SRGAP2B: variants seen among roughly 807,000 people sequenced by gnomAD.
SRGAP2B encodes the protein SLIT-ROBO Rho GTPase-activating protein 2B.
A neutral mutation model predicts 22.2 loss-of-function variants in SRGAP2B; 9 were observed. The observed-to-expected ratio is 0.41, with a 90% CI of 0.24 to 0.71. SRGAP2B has a LOEUF of 0.71. Ranked by LOEUF, SRGAP2B falls within the 30% of genes least tolerant of loss-of-function variation. The pLI, the probability that SRGAP2B is intolerant of heterozygous loss-of-function variation, is 0.35. For synonymous variants in SRGAP2B, 36 were observed against 87.4 expected (o/e 0.41, Z 3.28); for missense variants, 114 against 235.8 (o/e 0.48, Z 3.38).
chr1:145,044,757 C>T lies in SRGAP2B; in HGVS notation c.67+48078G>A, dbSNP rs587674623. On this transcript the variant is annotated intron_variant, in intron 2 of 9. Transcript: ENST00000612199. ...TAAGCAGCTTAGGGTTTAGGCAAGG[C>T]TTCTGCCTACAAGAGAGACTAGGAT... Among the ~76,000 whole-genome samples, 3 of 122,406 alleles carry T rather than the reference C, an allele frequency of 2.5e-5. No individual in the cohort carries two copies. In the East Asian group the frequency reaches 8.7e-4, roughly 35 times the overall value. 80.3% of individuals were successfully genotyped at this position (122,406 alleles called of 152,430 possible).
At chr1:145,039,550 T>A (rs1649019187) in intron 2 of SRGAP2B, among the ~76,000 whole-genome samples, 1 of 127,526 alleles carries the variant, frequency 7.8e-6, no homozygotes, top group Admixed American at 8.1e-5. Flanking sequence ...GTTCCAACCT[T>A]AGCAGAGAGT....
chr1:144,993,675 G>A (rs1670436187), intron 3 of SRGAP2B, among the ~76,000 whole-genome samples: 1 of 148,024 alleles, frequency 6.8e-6, no homozygotes, highest in African/African-American at 2.6e-5. Context: ...TCACGCTATT[G>A]TACTTCAGCC....
intron 2 of SRGAP2B, among the ~76,000 whole-genome samples, chr1:145,001,525 CAG>C (rs587703912): frequency 6.7e-6 from 1 of 149,796 alleles, no homozygotes; most frequent in African/African-American, 2.5e-5. Context: ...GCGCACAGAG[CAG>C]AGAGAGAGAC....
chr1:145,012,722 TA>T (rs1263176196), intron 2 of SRGAP2B, among the ~76,000 whole-genome samples: 4 of 132,406 alleles, frequency 3.0e-5, no homozygotes, highest in African/African-American at 9.6e-5. Flanking sequence ...CCCACTATAA[TA>T]TTTTTTTCAA....
At chr1:144,940,245 T>C (rs1304033771) in intron 4 of SRGAP2B, among the ~76,000 whole-genome samples, 1 of 108,416 alleles carries the variant, frequency 9.2e-6, no homozygotes, top group Non-Finnish European at 1.8e-5. Context: ...AGAACTCCAC[T>C]GAGCCAGCCA....
At chr1:144,915,951 C>T (rs1663850545) in intron 4 of SRGAP2B, among the ~76,000 whole-genome samples, 1 of 148,290 alleles carries the variant, frequency 6.7e-6, no homozygotes, top group Non-Finnish European at 1.5e-5. Flanking sequence ...AGTTATAATA[C>T]TGTTTCCCAT....
At chr1:144,909,191 G>T (rs1177657526) in intron 5 of SRGAP2B, among the ~76,000 whole-genome samples, 3 of 150,360 alleles carry the variant, frequency 2.0e-5, no homozygotes, top group Non-Finnish European at 4.4e-5. Context: ...ACCAAAACCA[G>T]AGTGAGCCAG....
rs1292486744 is a variant in SRGAP2B, at chr1:145,068,221, A to C, written c.67+24614T>G. ...CCGTCTCAAAAAAAAAAAAAAAAAA[A>C]AAAAAACAAATACAGCTCCATGAAA... On this transcript the variant is annotated intron_variant, in intron 2 of 9. Transcript: ENST00000612199. Among the ~76,000 whole-genome samples, 16 of 146,234 alleles carry C rather than the reference A, an allele frequency of 1.1e-4. 3 individuals are homozygous for C. Among genetic ancestry groups the C allele is most frequent in the African/African-American group, 2.4e-4 (9 of 37,930 alleles).
At chr1:144,993,200 G>C (rs1485488866) in intron 3 of SRGAP2B, among the ~76,000 whole-genome samples, 1 of 151,112 alleles carries the variant, frequency 6.6e-6, no homozygotes, top group Admixed American at 6.6e-5. Flanking sequence ...ACCTGTTTGA[G>C]GCTTTCCAGA....
intron 4 of SRGAP2B, among the ~76,000 whole-genome samples, chr1:144,945,503 A>T (rs637543): frequency 2.0e-5 from 3 of 151,876 alleles, no homozygotes; most frequent in African/African-American, 7.3e-5. Context: ...AAGGACTGGG[A>T]TTGCTTGAGC....
At chr1:145,088,409 C>T (rs1215492714) in intron 2 of SRGAP2B, among the ~76,000 whole-genome samples, 45 of 133,194 alleles carry the variant, frequency 3.4e-4, no homozygotes, top group Non-Finnish European at 6.3e-4. Flanking sequence ...TACAAAATTT[C>T]GCTTCCAGCT....
intron 4 of SRGAP2B, among the ~76,000 whole-genome samples, chr1:144,952,477 T>C (rs1175099613): frequency 6.7e-6 from 1 of 149,652 alleles, no homozygotes; most frequent in East Asian, 2.0e-4. Context: ...AGAGGCTCTT[T>C]ACCCAGCCAA....
intron 4 of SRGAP2B, among the ~76,000 whole-genome samples, chr1:144,923,155 A>C (rs1244353103): frequency 1.8e-4 from 27 of 150,548 alleles, no homozygotes; most frequent in African/African-American, 6.7e-4. Flanking sequence ...AATAATCTGA[A>C]TGTTCTTCCA....
chr1:144,979,051 G>GT (rs782609425), intron 3 of SRGAP2B, among the ~76,000 whole-genome samples: 50 of 150,784 alleles, frequency 3.3e-4, no homozygotes, highest in African/African-American at 5.9e-4. Flanking sequence ...TTTTGTTGTT[G>GT]TTTTTTTTTG....
chr1:144,911,620 T>TTA (rs1491568813), intron 5 of SRGAP2B, among the ~76,000 whole-genome samples: 2 of 134,334 alleles, frequency 1.5e-5, no homozygotes, highest in African/African-American at 3.2e-5. Flanking sequence ...TGAACTGCTA[T>TTA]TTTTTTTTTT....
chr1:145,021,730 C>T (rs1206795641), intron 2 of SRGAP2B, among the ~76,000 whole-genome samples: 3 of 149,190 alleles, frequency 2.0e-5, no homozygotes, highest in Non-Finnish European at 4.4e-5. Flanking sequence ...AGGAGAATCT[C>T]TTGAACCCAG....
At chr1:145,013,005 C>A (rs1446912078) in intron 2 of SRGAP2B, among the ~76,000 whole-genome samples, 2 of 150,650 alleles carry the variant, frequency 1.3e-5, no homozygotes, top group Non-Finnish European at 2.9e-5. Context: ...ACTGCTTGAG[C>A]CCACAAGGCA....
chr1:144,993,110 C>T (rs1236710656), intron 3 of SRGAP2B, among the ~76,000 whole-genome samples: 1 of 151,048 alleles, frequency 6.6e-6, no homozygotes, highest in Non-Finnish European at 1.5e-5. Context: ...CCTCAAGTAA[C>T]AGGATGCCAG....
chr1:144,994,608 G>C (rs1366929848), intron 3 of SRGAP2B, among the ~76,000 whole-genome samples: 7 of 135,000 alleles, frequency 5.2e-5, no homozygotes. Flanking sequence ...GAGAGAGAGA[G>C]AGACAGAGAT....
Sources: allele counts gnomAD v4.1 joint callset (sites outside exome capture counted in the v4.1 genomes callset), GRCh38; gene constraint gnomAD v4.1.1; transcripts MANE v1.5; gene names NCBI Gene and HGNC (gene_info 2026-07-23, HGNC 2026-07-21).